Variants in QRICH1 observed in about 807,000 individuals in gnomAD.
The protein encoded by QRICH1 is transcriptional regulator QRICH1.
QRICH1 carries 16 observed loss-of-function variants against 87.1 expected under a neutral mutation model. That is an observed-to-expected ratio of 0.18 (90% CI 0.12 to 0.28). The LOEUF (loss-of-function observed/expected upper bound fraction) is 0.28. Among genes scored for constraint, QRICH1 ranks in the 10% least tolerant of loss-of-function variants. The pLI is 1.00. For synonymous variants in QRICH1, 367 were observed against 368.4 expected (o/e 1.00, Z 0.05); for missense variants, 647 against 951.7 (o/e 0.68, Z 4.21).
At chr3:49,085,938 T>C (rs2042159440) in intron 1 of QRICH1, among the ~76,000 whole-genome samples, 1 of 151,990 alleles carries the variant, frequency 6.6e-6, no homozygotes, top group South Asian at 2.1e-4. Context: ...AGTAAAAGAC[T>C]TAGTAAGAAG....
chr3:49,080,804 G>T (rs149079711), intron 1 of QRICH1, among the ~76,000 whole-genome samples: 232 of 151,048 alleles, frequency 1.5e-3, no homozygotes, highest in African/African-American at 5.4e-3. Context: ...GAGGTTTCTT[G>T]GGGGGTTGGG....
chr3:49,031,952 A>G (rs1057210099), intron 9 of QRICH1, among the ~76,000 whole-genome samples: 1 of 152,222 alleles, frequency 6.6e-6, no homozygotes, highest in African/African-American at 2.4e-5. Flanking sequence ...CCTTTTCATG[A>G]AAGGTGACTG....
intron 2 of QRICH1, among the ~76,000 whole-genome samples, chr3:49,070,280 C>T (rs183244545): frequency 2.0e-4 from 30 of 151,938 alleles, no homozygotes; most frequent in East Asian, 7.8e-4. Context: ...TCAGGTGATC[C>T]GCCTGCCTCA....
In QRICH1 at chr3:49,054,833, T is replaced by TA. The variant is rs1210273571; in HGVS notation, c.1338+2028dup. On this transcript the variant is annotated intron_variant, in intron 3 of 9. Coordinates refer to ENST00000395443, the MANE Select transcript of QRICH1 (RefSeq NM_198880.3). ...GGGAGGATTTTATGAGCCCAGGAGT[T>TA]AGAGGCTACAGTGAATTATGATCAC... is the stretch of plus-strand genomic sequence containing the variant. Among the ~76,000 whole-genome samples, 9 of 152,024 alleles carry TA rather than the reference T, an allele frequency of 5.9e-5. No homozygotes were observed. The South Asian group carries it at 1.0e-3, about 18-fold the overall frequency.
At chr3:49,032,869 C>T (rs2093250460) in intron 7 of QRICH1, 96 bp from the exon 8 acceptor site, 2 of 1,418,878 alleles carry the variant, frequency 1.4e-6, no homozygotes, top group Non-Finnish European at 1.9e-6. Context: ...AGCCACTGCC[C>T]ACATTCCCAA....
At chr3:49,044,355 T>C in intron 6 of QRICH1, 35 bp downstream of exon 6, 2 of 1,483,098 alleles carry the variant, frequency 1.3e-6, no homozygotes, top group Non-Finnish European at 1.9e-6. Context: ...TAAATCCAGG[T>C]AGGAAAGATA....
upstream of QRICH1, chr3:49,094,132 C>T (rs2042336286): frequency 5.0e-6 from 2 of 398,066 alleles, no homozygotes; most frequent in South Asian, 2.5e-4. Flanking sequence ...TCTGGGACTG[C>T]CTACCGGCCA....
Position 49,057,891 on chromosome 3 carries a change from C to A in QRICH1, c.310-1G>T. The A allele has an allele frequency of 6.2e-7, 1 of 1,613,998 alleles. No homozygotes were observed. The highest frequency in any genetic ancestry group is 8.5e-7 in the Non-Finnish European group (1 of 1,179,996). Reference sequence around the variant, plus strand: ...GAGACTGCTGTACCTGCACCTGGACCTGTAAGCAACAAGATTCATCAGTGA... The same window carrying A: ...GAGACTGCTGTACCTGCACCTGGACATGTAAGCAACAAGATTCATCAGTGA... On this transcript the variant is annotated splice_acceptor_variant, in intron 2 of 9. Coordinates refer to ENST00000395443, the MANE Select transcript of QRICH1 (RefSeq NM_198880.3). LOFTEE classifies it high-confidence loss of function. This position sits in a 1 kb window ranked among gnomAD's most constrained non-coding sequence, Gnocchi z 5.4.
intron 1 of QRICH1, among the ~76,000 whole-genome samples, chr3:49,087,303 A>G (rs2042184366): frequency 6.6e-6 from 1 of 151,968 alleles, no homozygotes; most frequent in African/African-American, 2.4e-5. Context: ...TCACGCCTAT[A>G]ATCCCAGCAG....
intron 2 of QRICH1, among the ~76,000 whole-genome samples, chr3:49,070,891 T>C (rs989405167): frequency 2.0e-5 from 3 of 152,202 alleles, no homozygotes; most frequent in Non-Finnish European, 4.4e-5. Context: ...CGAACGTTAA[T>C]AGTGATCTCG....
At chr3:49,093,564 C>A (rs910906863) in intron 1 of QRICH1, 5 of 152,246 alleles carry the variant, frequency 3.3e-5, no homozygotes, top group African/African-American at 1.2e-4. Flanking sequence ...GCCGCGGTTG[C>A]CCACGGGCCA....
At chr3:49,039,397 T>C (rs1203832501) in intron 6 of QRICH1, among the ~76,000 whole-genome samples, 1 of 150,724 alleles carries the variant, frequency 6.6e-6, no homozygotes, top group Non-Finnish European at 1.5e-5. Context: ...GTAAGTATGA[T>C]AGGCTGGGCC....
intron 2 of QRICH1, among the ~76,000 whole-genome samples, chr3:49,062,327 T>C (rs2093439869): frequency 1.4e-5 from 2 of 142,720 alleles, no homozygotes; most frequent in African/African-American, 5.2e-5. Flanking sequence ...AGAGTGAGAC[T>C]CCATCTCAGA....
intron 1 of QRICH1, among the ~76,000 whole-genome samples, chr3:49,085,387 T>C (rs892190621): frequency 2.7e-5 from 4 of 149,970 alleles, no homozygotes; most frequent in Admixed American, 1.3e-4. Context: ...AAAATACAAG[T>C]GGTTATAGTG....
At chr3:49,047,672 G>C (rs899248262) in intron 3 of QRICH1, among the ~76,000 whole-genome samples, 2 of 151,802 alleles carry the variant, frequency 1.3e-5, no homozygotes, top group African/African-American at 4.8e-5. Context: ...TAGTCGAGAC[G>C]GAGTTTCGCC....
chr3:49,039,491 G>C (rs891816762), intron 6 of QRICH1, among the ~76,000 whole-genome samples: 3 of 151,690 alleles, frequency 2.0e-5, no homozygotes, highest in African/African-American at 4.8e-5. Context: ...GACCAGCCTG[G>C]ACAGGTGCCT....
intron 3 of QRICH1, among the ~76,000 whole-genome samples, chr3:49,049,584 G>A (rs1208345203): frequency 2.0e-5 from 3 of 151,996 alleles, no homozygotes; most frequent in Middle Eastern, 3.4e-3. Context: ...CACAACCTCC[G>A]CCTCCCAGGT....
chr3:49,081,950 G>C (rs1327511156), intron 1 of QRICH1, among the ~76,000 whole-genome samples: 1 of 152,108 alleles, frequency 6.6e-6, no homozygotes, highest in Non-Finnish European at 1.5e-5. Context: ...TGGGATTACA[G>C]GCATACGCCA....
intron 2 of QRICH1, among the ~76,000 whole-genome samples, chr3:49,065,486 T>C (rs77358616): frequency 1.3e-5 from 2 of 152,146 alleles, no homozygotes; most frequent in Non-Finnish European, 2.9e-5. Context: ...TAATATAAGG[T>C]AGCTGAATTC....
Sources: allele counts gnomAD v4.1 joint callset (sites outside exome capture counted in the v4.1 genomes callset), GRCh38; gene constraint gnomAD v4.1.1; non-coding constraint Gnocchi (gnomAD v3.1); transcripts MANE v1.5; gene names NCBI Gene and HGNC (gene_info 2026-07-23, HGNC 2026-07-21).